LYST: variants seen among roughly 807,000 people sequenced by gnomAD.
LYST encodes the protein lysosomal-trafficking regulator.
LYST carries 192 observed loss-of-function variants against 413.6 expected under a neutral mutation model. The ratio of observed to expected loss-of-function variants is 0.46; its 90% CI spans 0.41 to 0.52. LYST has a LOEUF of 0.52. Ranked by LOEUF, LYST falls within the 20% of genes least tolerant of loss-of-function variation. The probability of loss-of-function intolerance (pLI) is 0.00; values close to 1 mark genes in which losing one functional copy is unlikely to be tolerated. For synonymous variants in LYST, 1,525 were observed against 1,567.3 expected (o/e 0.97, Z 0.64); for missense variants, 3,815 against 4,499.9 (o/e 0.85, Z 4.35).
Position 235,781,931 on chromosome 1 carries a change from G to A in LYST, c.5019C>T (p.Phe1673=). ...GTGCAATCATAGCTCACTCACCGTT[G>A]AAGAGAAGCAAATTTCCCAGGTCCC... ...GKWDLGNLLL[F]NGAKVGSQEA... Residue 1673 remains phenylalanine, a synonymous_variant, in exon 15 of 53, where the codon TTC becomes TTT. Transcript: ENST00000389793. The A allele has an allele frequency of 2.5e-6, 4 of 1,609,024 alleles. No homozygotes were observed. The highest frequency in any genetic ancestry group is 3.4e-6 in the Non-Finnish European group (4 of 1,175,534).
upstream of LYST, among the ~76,000 whole-genome samples, chr1:235,868,698 ATTTTAT>A (rs545054457): frequency 3.3e-3 from 500 of 152,002 alleles, 4 homozygotes; most frequent in Non-Finnish European, 4.5e-3. Flanking sequence ...AGTGTTTTTT[ATTTTAT>A]TTTATTTTCA....
At chr1:235,800,209 C>G in intron 10 of LYST, 111 bp downstream of exon 10, 3 of 748,654 alleles carry the variant, frequency 4.0e-6, no homozygotes, top group Non-Finnish European at 7.1e-6. Context: ...CTCAGCCTCC[C>G]AAAGTGCTAA....
intron 40 of LYST, 96 bp from the exon 41 acceptor site, chr1:235,716,874 A>T (rs1662889447): frequency 1.4e-6 from 1 of 719,276 alleles, no homozygotes. Context: ...TAAGTGGTCA[A>T]CAAAATGCTC....
chr1:235,857,255 G>C (rs142773397), intron 1 of LYST, among the ~76,000 whole-genome samples: 3 of 152,270 alleles, frequency 2.0e-5, no homozygotes, highest in Non-Finnish European at 4.4e-5. Context: ...TATCACCTTA[G>C]AAATGGTTGT....
Position 235,677,629 on chromosome 1 carries a change from T to A in LYST, c.10801-10A>T, listed in dbSNP as rs1659486250. ...TTTCTATTTCTGATGGCTGAAATTTTAAAATTAAGTATGAGATAAAAACCA... is the reference window on the plus strand; with the variant it reads ...TTTCTATTTCTGATGGCTGAAATTTAAAAATTAAGTATGAGATAAAAACCA... On this transcript the variant is annotated splice_polypyrimidine_tract_variant and intron_variant, in intron 48 of 52. Coordinates refer to ENST00000389793, the MANE Select transcript of LYST (RefSeq NM_000081.4). 4.4e-6 allele frequency: 7 copies of A among 1,607,722 alleles called. No homozygotes were observed. In the East Asian group the frequency reaches 1.6e-4, roughly 36 times the overall value.
rs1670480698 is a variant in LYST at position 235,786,939 on chromosome 1, C to CGAG, written c.4862+260_4862+261insCTC. On this transcript the variant is annotated intron_variant, in intron 14 of 52. Transcript: ENST00000389793. ...GGGGAGGGATAGCATAGGAGATATA[C>CGAG]CTAATGTAAATGACGAGTTAATGGG... The CGAG allele has an allele frequency of 9.8e-6, 3 of 307,658 alleles. No homozygotes were observed. The Admixed American group carries it at 1.3e-4, about 13-fold the overall frequency. 19.1% of individuals were successfully genotyped at this position (307,658 alleles called of 1,614,324 possible). A position where few individuals can be genotyped will look rare whatever the true frequency, so the allele number is the denominator to read the frequency against.
chr1:235,749,337 G>A (rs1313027953), intron 28 of LYST, among the ~76,000 whole-genome samples: 2 of 152,008 alleles, frequency 1.3e-5, no homozygotes, highest in South Asian at 2.1e-4. Context: ...AGCAACAACC[G>A]AACACATATA....
Position 235,674,954 on chromosome 1 carries a change from C to T in LYST, c.11038+2137G>A, listed in dbSNP as rs567650547. Among the ~76,000 whole-genome samples, 12 of 152,296 alleles carry T rather than the reference C, an allele frequency of 7.9e-5. No individual in the cohort carries two copies. Among genetic ancestry groups the T allele is most frequent in the Non-Finnish European group, 1.5e-4 (10 of 68,024 alleles). On this transcript the variant is annotated intron_variant, in intron 50 of 52. Coordinates refer to ENST00000389793, the MANE Select transcript of LYST (RefSeq NM_000081.4). This position sits in a 1 kb window ranked among gnomAD's most constrained non-coding sequence, Gnocchi z 4.1. ...AAGTTGCTGCATCATACCTTGTATT[C>T]GTGGATCAAGGCAAAGGCTTATAGA...
At chr1:235,860,715 T>C (rs781642208) in intron 1 of LYST, among the ~76,000 whole-genome samples, 2 of 152,136 alleles carry the variant, frequency 1.3e-5, no homozygotes, top group Non-Finnish European at 2.9e-5. Flanking sequence ...ACAAACCACA[T>C]ATTTAAAGTG....
chr1:235,799,477 T>C (rs1303608294), intron 10 of LYST, among the ~76,000 whole-genome samples: 2 of 152,204 alleles, frequency 1.3e-5, no homozygotes, highest in Non-Finnish European at 2.9e-5. Context: ...TAAGTCCTTT[T>C]GATATGATGC....
rs796496578 is a variant in LYST at position 235,833,671 on chromosome 1, CA to C, written c.-97-5del. 7.7e-4 allele frequency: 608 copies of C among 785,502 alleles called. No homozygotes were observed. Among genetic ancestry groups the C allele is most frequent in the Middle Eastern group, 1.9e-3 (3 of 1,580 alleles). 48.7% of individuals were successfully genotyped at this position (785,502 alleles called of 1,614,324 possible). ...TATTCTTAGAACAAAGCTTCACCTA[CA>C]AAAAAAAAGACATATTAATCACAAT... On this transcript the variant is annotated splice_region_variant and splice_polypyrimidine_tract_variant and intron_variant, in intron 1 of 52. Transcript: ENST00000389793.
chr1:235,823,407 A>G (rs1046030802), intron 3 of LYST, among the ~76,000 whole-genome samples: 1 of 152,260 alleles, frequency 6.6e-6, no homozygotes, highest in African/African-American at 2.4e-5. Context: ...TACTATATTT[A>G]AAAGTTTGCA....
intron 1 of LYST, among the ~76,000 whole-genome samples, chr1:235,846,134 C>T (rs1677834177): frequency 6.6e-6 from 1 of 152,190 alleles, no homozygotes; most frequent in Non-Finnish European, 1.5e-5. Flanking sequence ...CCCTCCACCA[C>T]CTGCACCAGA....
At chr1:235,718,204 T>C (rs1039989901) in intron 40 of LYST, among the ~76,000 whole-genome samples, 1 of 151,484 alleles carries the variant, frequency 6.6e-6, no homozygotes, top group African/African-American at 2.4e-5. Flanking sequence ...GTTTTTTTTT[T>C]TGGACACAAG....
At chr1:235,868,618 C>T (rs1230064827), upstream of LYST, among the ~76,000 whole-genome samples, 29 of 152,012 alleles carry the variant, frequency 1.9e-4, no homozygotes, top group Admixed American at 1.9e-3. Context: ...TACAATTGGC[C>T]CTCAAAGTAT....
In LYST at chr1:235,883,160, A is replaced by G. The variant is rs538874988; in HGVS notation, n.454+27T>C. ...CTGCCCATGCTCTCGGCTGGCACTG[A>G]AAAGTCTCAGAAACACTTTAACCTA... On this transcript the variant is annotated intron_variant and non_coding_transcript_variant, in intron 1 of 11. Transcript: ENST00000465349. 2.6e-5 allele frequency: 4 copies of G among 152,300 alleles called. 1 individual carries two copies. Among genetic ancestry groups the G allele is most frequent in the African/African-American group, 9.6e-5 (4 of 41,530 alleles). 9.4% of individuals were successfully genotyped at this position (152,300 alleles called of 1,614,324 possible).
intron 19 of LYST, among the ~76,000 whole-genome samples, chr1:235,771,924 T>C (rs1340265234): frequency 6.9e-6 from 1 of 145,622 alleles, no homozygotes; most frequent in African/African-American, 2.5e-5. Context: ...TTTGTTTTTT[T>C]TTTTTTTTTT....
In LYST at chr1:235,809,739, G is replaced by C. The variant is rs1349478831; in HGVS notation, c.1079C>G (p.Ala360Gly). 2.5e-6 allele frequency: 4 copies of C among 1,613,822 alleles called. No homozygotes were observed. Among genetic ancestry groups the C allele is most frequent in the Non-Finnish European group, 3.4e-6 (4 of 1,179,878 alleles). ...TTCTAGGCATATTCTAATTTTTAAA[G>C]CTGCTCTAAGCAATTCAGTTAAATT... ...RKNLTELLRA[A>G]LKIRICLEKQ... The change falls in exon 5 of 53, where the codon GCT becomes GGT. Residue 360 changes from alanine to glycine, a missense_variant. Coordinates refer to ENST00000389793, the MANE Select transcript of LYST (RefSeq NM_000081.4). This position sits in a 1 kb window ranked among gnomAD's most constrained non-coding sequence, Gnocchi z 4.0.
intron 1 of LYST, among the ~76,000 whole-genome samples, chr1:235,866,017 G>A (rs893051107): frequency 2.6e-5 from 4 of 151,486 alleles, no homozygotes; most frequent in Non-Finnish European, 5.9e-5. Context: ...CGAGCGGATC[G>A]GGGATGTTTT....
Sources: gnomAD v4.1 joint callset for allele counts (sites outside exome capture counted in the v4.1 genomes callset) on GRCh38, gnomAD v4.1.1 for gene constraint, Gnocchi (gnomAD v3.1) non-coding constraint, MANE v1.5 for transcripts, NCBI Gene and HGNC (gene_info 2026-07-23, HGNC 2026-07-21) for gene names.